STON2: variants seen among roughly 807,000 people sequenced by gnomAD.
STON2 encodes stonin 2, also known as stonin-2.
A neutral mutation model predicts 65.7 loss-of-function variants in STON2; 29 were observed. That is an observed-to-expected ratio of 0.44 (90% CI 0.33 to 0.60). The LOEUF is 0.60. STON2 is among the 20% of genes least tolerant of loss of function. The pLI is 0.03. For synonymous variants in STON2, 404 were observed against 414.2 expected (o/e 0.98, Z 0.30); for missense variants, 1,054 against 1,118.1 (o/e 0.94, Z 0.82).
intron 6 of STON2, among the ~76,000 whole-genome samples, chr14:81,275,652 A>G (rs922343936): frequency 3.9e-5 from 6 of 152,188 alleles, no homozygotes; most frequent in African/African-American, 1.2e-4. Flanking sequence ...TCAGTTTAGA[A>G]GTAGGGAGTA....
chr14:81,286,091 T>C (rs1895322686), intron 5 of STON2, among the ~76,000 whole-genome samples: 2 of 151,994 alleles, frequency 1.3e-5, no homozygotes, highest in African/African-American at 4.8e-5. Flanking sequence ...AAGGTTGCAG[T>C]GAGCCGAGAC....
chr14:81,367,508 G>A (rs1170036792), intron 4 of STON2, among the ~76,000 whole-genome samples: 2 of 152,064 alleles, frequency 1.3e-5, no homozygotes, highest in Non-Finnish European at 2.9e-5. Flanking sequence ...CCCTGCTACT[G>A]GAGTAAATGG....
At chr14:81,435,573 G>C (rs892241924) in intron 1 of STON2, among the ~76,000 whole-genome samples, 5 of 152,118 alleles carry the variant, frequency 3.3e-5, no homozygotes, top group Middle Eastern at 3.2e-3. Context: ...CGGGGAGGCA[G>C]GCAGAGACCA....
Position 81,395,887 on chromosome 14 carries a change from T to G in STON2, c.373+7A>C. ...AAACCCAAGCCGGGCCCTTCCTACC[T>G]CCTCACCTGTCTCAGCTGTTTCCTG... On this transcript the variant is annotated splice_region_variant and intron_variant, in intron 3 of 7. Transcript: ENST00000614646. 6.2e-7 allele frequency: 1 copy of G among 1,613,886 alleles called. No individual in the cohort carries two copies. Among genetic ancestry groups the G allele is most frequent in the Non-Finnish European group, 8.5e-7 (1 of 1,179,886 alleles).
At chr14:81,317,698 A>G (rs1209854254) in intron 5 of STON2, among the ~76,000 whole-genome samples, 6 of 152,202 alleles carry the variant, frequency 3.9e-5, no homozygotes, top group African/African-American at 1.4e-4. Context: ...TTCAGAGTAG[A>G]TGGAAACTCA....
chr14:81,379,277 G>A (rs1162863555), intron 3 of STON2, among the ~76,000 whole-genome samples: 1 of 151,956 alleles, frequency 6.6e-6, no homozygotes, highest in East Asian at 1.9e-4. Context: ...ATTTGTAATA[G>A]CAACAATAAG....
At chr14:81,411,990 G>A (rs975950839) in intron 2 of STON2, among the ~76,000 whole-genome samples, 2 of 138,916 alleles carry the variant, frequency 1.4e-5, no homozygotes, top group Non-Finnish European at 3.0e-5. Flanking sequence ...GAGGATTCAA[G>A]GTAAAGGGAA....
chr14:81,398,326 A>G lies in STON2; in HGVS notation c.57T>C (p.Asn19=), dbSNP rs776960611. The G allele has an allele frequency of 2.2e-5, 36 of 1,614,066 alleles. 1 individual carries two copies. The South Asian group carries it at 3.8e-4, about 17-fold the overall frequency. Residue 19 remains asparagine (N), a synonymous_variant, in exon 2 of 8, where the codon AAT becomes AAC. Transcript: ENST00000614646. ...ATHQSEWVSF[N]EEPPFPAHSQ... ...AGTGGGCAGGAAAGGGTGGCTCTTC[A>G]TTGAAGGAGACCCATTCTGACTGGT... is the stretch of plus-strand genomic sequence containing the variant.
intron 4 of STON2, among the ~76,000 whole-genome samples, chr14:81,331,312 T>C (rs531042051): frequency 9.1e-4 from 139 of 152,380 alleles, no homozygotes; most frequent in African/African-American, 3.2e-3. Flanking sequence ...AGGAGAATTA[T>C]GCACCAGACA....
At chr14:81,298,632 T>C (rs1049241161) in intron 5 of STON2, among the ~76,000 whole-genome samples, 2 of 152,156 alleles carry the variant, frequency 1.3e-5, no homozygotes, top group Admixed American at 6.5e-5. Context: ...CAGAAAAGCA[T>C]GTTGAACAGA....
rs1329433394 is a variant in STON2 at position 81,270,880 on chromosome 14, A to G, written c.2582-8T>C. On this transcript the variant is annotated splice_polypyrimidine_tract_variant and splice_region_variant and intron_variant, in intron 6 of 7. Coordinates refer to ENST00000614646, the MANE Select transcript of STON2 (RefSeq NM_001394390.1). ...AGTGTGGGTGACCGGAAGCTATGAA[A>G]GAAAGACAATCGAGAGATCAGATTA... 1.2e-6 allele frequency: 2 copies of G among 1,611,876 alleles called. No individual in the cohort carries two copies. The highest frequency in any genetic ancestry group is 1.7e-6 in the Non-Finnish European group (2 of 1,179,666).
At chr14:81,269,126 C>T (rs563849720) in intron 7 of STON2, among the ~76,000 whole-genome samples, 21 of 152,280 alleles carry the variant, frequency 1.4e-4, no homozygotes, top group African/African-American at 4.6e-4. Context: ...CTGCCTCATC[C>T]TCCAGAGTAG....
At chr14:81,312,480 G>C (rs972484644) in intron 5 of STON2, among the ~76,000 whole-genome samples, 1 of 152,194 alleles carries the variant, frequency 6.6e-6, no homozygotes, top group African/African-American at 2.4e-5. Flanking sequence ...AATTTACATA[G>C]TAAAACTCCC....
chr14:81,415,415 T>A (rs1184518645), intron 2 of STON2, among the ~76,000 whole-genome samples: 1 of 152,060 alleles, frequency 6.6e-6, no homozygotes, highest in Non-Finnish European at 1.5e-5. Context: ...CACAGACAAT[T>A]CATTGACTCA....
rs140708863 is a variant in STON2 at position 81,408,249 on chromosome 14, T to A, written c.-198-9669A>T. ...AATCCTGGTTGTTTGCTCTTATTAT[T>A]TCGACGTTTAAAAATTTCATTCTTT... On this transcript the variant is annotated intron_variant, in intron 2 of 8. Transcript: ENST00000553821. 4.2e-3 allele frequency among the ~76,000 whole-genome samples: 638 copies of A among 152,252 alleles called. 1 individual carries two copies. Among genetic ancestry groups the A allele is most frequent in the Middle Eastern group, 0.014 (4 of 294 alleles).
intron 5 of STON2, among the ~76,000 whole-genome samples, chr14:81,288,846 G>A (rs763875510): frequency 2.0e-5 from 3 of 151,916 alleles, no homozygotes; most frequent in Non-Finnish European, 4.4e-5. Flanking sequence ...CATTCTTACT[G>A]ATTTTAGCAC....
At position 81,396,219 on chromosome 14, in the gene STON2, C is replaced by T. The variant is rs780358361; in HGVS notation, c.89-41G>A. The T allele has an allele frequency of 2.1e-5, 32 of 1,555,452 alleles. 1 individual carries two copies. Among genetic ancestry groups the T allele is most frequent in the African/African-American group, 1.1e-4 (8 of 73,420 alleles). On this transcript the variant is annotated intron_variant, in intron 2 of 7. Transcript: ENST00000614646. Reference sequence around the variant, plus strand: ...GACGCCACCATCATGTGAGGAAGGCCGCTCTTCAGAGCCATCTCATGGAGG... The same window carrying T: ...GACGCCACCATCATGTGAGGAAGGCTGCTCTTCAGAGCCATCTCATGGAGG...
At chr14:81,343,513 A>G (rs891602513) in intron 4 of STON2, among the ~76,000 whole-genome samples, 3 of 152,110 alleles carry the variant, frequency 2.0e-5, no homozygotes, top group African/African-American at 7.2e-5. Flanking sequence ...CACAGACACA[A>G]GCATTTCACA....
intron 5 of STON2, among the ~76,000 whole-genome samples, chr14:81,321,956 G>T (rs1489443528): frequency 1.3e-5 from 2 of 152,194 alleles, no homozygotes; most frequent in Non-Finnish European, 2.9e-5. Context: ...GGGGGTGGGT[G>T]TTGAGTGAAA....
Sources: gnomAD v4.1 joint callset for allele counts (sites outside exome capture counted in the v4.1 genomes callset) on GRCh38, gnomAD v4.1.1 for gene constraint, MANE v1.5 for transcripts, NCBI Gene and HGNC (gene_info 2026-07-23, HGNC 2026-07-21) for gene names.